HECTD4: variants seen among roughly 807,000 people sequenced by gnomAD.
HECTD4 encodes the protein probable E3 ubiquitin-protein ligase HECTD4.
A neutral mutation model predicts 471.5 loss-of-function variants in HECTD4; 114 were observed. That is an observed-to-expected ratio of 0.24 (90% CI 0.21 to 0.28). The LOEUF (loss-of-function observed/expected upper bound fraction) is 0.28. Ranked by LOEUF, HECTD4 falls within the 10% of genes least tolerant of loss-of-function variation. The probability of loss-of-function intolerance (pLI) is 1.00; values close to 1 mark genes in which losing one functional copy is unlikely to be tolerated. For missense variants in HECTD4, 3,866 were observed against 5,651.5 expected (o/e 0.68, Z 10.13); for synonymous variants, 2,012 against 2,256.0 (o/e 0.89, Z 3.07).
intron 71 of HECTD4, 34 bp from the exon 72 acceptor site, chr12:112,167,572 C>A: frequency 6.7e-7 from 1 of 1,502,732 alleles, no homozygotes; most frequent in East Asian, 2.3e-5. Context: ...GTGACCTGGG[C>A]GTGGGCCTCT....
chr12:112,203,528 G>A, intron 54 of HECTD4, 108 bp downstream of exon 54: 1 of 924,118 alleles, frequency 1.1e-6, no homozygotes, highest in Non-Finnish European at 1.6e-6. Context: ...TCCCTGATTT[G>A]AAGAGAAACT....
intron 35 of HECTD4, 62 bp downstream of exon 35, chr12:112,236,883 A>C (rs2033520310): frequency 1.1e-5 from 16 of 1,417,616 alleles, no homozygotes; most frequent in Non-Finnish European, 1.4e-5. Flanking sequence ...CACCAAAAGA[A>C]ACCCCAATCG....
chr12:112,245,264 A>C (rs533144025), intron 29 of HECTD4, among the ~76,000 whole-genome samples: 1 of 152,330 alleles, frequency 6.6e-6, no homozygotes, highest in South Asian at 2.1e-4. Context: ...TGGCCTCCCA[A>C]AGTTCTGGAA....
At chr12:112,167,587 C>G in intron 71 of HECTD4, 49 bp from the exon 72 acceptor site, 1 of 1,409,618 alleles carries the variant, frequency 7.1e-7, no homozygotes, top group Non-Finnish European at 9.7e-7. Flanking sequence ...GCCTCTGTGC[C>G]CGCCAGGGAA....
intron 67 of HECTD4, among the ~76,000 whole-genome samples, chr12:112,171,868 G>C (rs2031234829): frequency 6.6e-6 from 1 of 152,198 alleles, no homozygotes. Context: ...GTAAACGGGG[G>C]GCGTCTGGGA....
intron 9 of HECTD4, among the ~76,000 whole-genome samples, chr12:112,277,903 T>A (rs931278784): frequency 3.3e-5 from 5 of 152,162 alleles, no homozygotes; most frequent in African/African-American, 1.2e-4. Context: ...ATGATTAATT[T>A]CCCCAAGATA....
Position 112,382,379 on chromosome 12 carries a change from C to A in HECTD4, c.-251G>T. 2 of 354,714 alleles carry A rather than the reference C, an allele frequency of 5.6e-6. No homozygotes were observed. Among genetic ancestry groups the A allele is most frequent in the Non-Finnish European group, 9.9e-6 (2 of 202,268 alleles). The allele number at this position is 354,714 out of a possible 1,614,324, so 22.0% of individuals were successfully genotyped here. On this transcript the variant is annotated 5_prime_UTR_variant, in exon 1 of 76. In the 5' UTR this introduces an upstream ATG that the reference lacks. Transcript: ENST00000682272. ...CGCCGCCCTCAGGAGCAGGATCCGC[C>A]TCTGCCGCTCGGCAACCAACTGTCA...
At chr12:112,349,048 T>C (rs969510010) in intron 1 of HECTD4, among the ~76,000 whole-genome samples, 1 of 152,050 alleles carries the variant, frequency 6.6e-6, no homozygotes. Context: ...ATTAGGTGAA[T>C]AAACAGGCTA....
chr12:112,371,418 A>C (rs372946027), intron 1 of HECTD4, among the ~76,000 whole-genome samples: 2 of 151,410 alleles, frequency 1.3e-5, no homozygotes, highest in African/African-American at 4.8e-5. Context: ...TCTTCTAAAA[A>C]TACAAAGCTA....
chr12:112,370,232 T>C (rs1258430128), intron 1 of HECTD4, among the ~76,000 whole-genome samples: 1 of 152,154 alleles, frequency 6.6e-6, no homozygotes, highest in Non-Finnish European at 1.5e-5. Flanking sequence ...GGAAAAGGCA[T>C]GGGAACAGAT....
intron 39 of HECTD4, 61 bp from the exon 40 acceptor site, chr12:112,230,883 G>T: frequency 2.0e-6 from 3 of 1,508,540 alleles, no homozygotes; most frequent in Non-Finnish European, 2.7e-6. Flanking sequence ...GCAGGGAAGT[G>T]GCTTTCAGGG....
chr12:112,277,082 C>T lies in HECTD4; in HGVS notation c.1688-2122G>A, dbSNP rs115379892. On this transcript the variant is annotated intron_variant, in intron 9 of 75. Coordinates refer to ENST00000682272, the MANE Select transcript of HECTD4 (RefSeq NM_001388303.1). ...ATATGACCCAGCGATTCCACTCCTACGTATGTGCCCAAGAGTATGAAAAAC... is the reference window on the plus strand; with the variant it reads ...ATATGACCCAGCGATTCCACTCCTATGTATGTGCCCAAGAGTATGAAAAAC... Among the ~76,000 whole-genome samples, 204 of 152,274 alleles carry T rather than the reference C, an allele frequency of 1.3e-3. 1 individual carries two copies. The highest frequency in any genetic ancestry group is 4.6e-3 in the African/African-American group (190 of 41,558).
chr12:112,185,079 G>A lies in HECTD4; in HGVS notation c.9887C>T (p.Ser3296Leu). Residue 3296 changes from serine (S) to leucine (L), a missense_variant, in exon 61 of 76, where the codon TCG (serine) becomes TTG (leucine). Coordinates refer to ENST00000682272, the MANE Select transcript of HECTD4 (RefSeq NM_001388303.1). ...CTGTGGGGTCTGTCCTGGGGAGGAC[G>A]AGGAGGAGGAGGACGAGTCACTGAG... The part of the protein sequence containing the change: ...PNLSDSSSSS[S>L]SSPGQTPQSP... 6.4e-7 allele frequency: 1 copy of A among 1,569,312 alleles called. No individual in the cohort carries two copies. The highest frequency in any genetic ancestry group is 8.7e-7 in the Non-Finnish European group (1 of 1,155,752).
At chr12:112,167,960 C>T (rs750862530) in intron 70 of HECTD4, 43 bp from the exon 71 acceptor site, 12 of 1,457,798 alleles carry the variant, frequency 8.2e-6, no homozygotes, top group African/African-American at 2.8e-5. Flanking sequence ...GGTGTCCCGG[C>T]GGGAGGCGAC....
intron 55 of HECTD4, among the ~76,000 whole-genome samples, chr12:112,195,326 T>G (rs1438304215): frequency 6.6e-6 from 1 of 152,256 alleles, no homozygotes; most frequent in Non-Finnish European, 1.5e-5. Context: ...TTTGTACATG[T>G]ATGTTCATAG....
chr12:112,209,072 T>A (rs980297238), intron 50 of HECTD4, among the ~76,000 whole-genome samples: 9 of 151,678 alleles, frequency 5.9e-5, no homozygotes, highest in Non-Finnish European at 1.0e-4. Flanking sequence ...GGCTATTTTT[T>A]AAATTTTTTT....
chr12:112,167,158 A>G lies in HECTD4; in HGVS notation c.12534+159T>C, dbSNP rs546241060. ...AGGGAGGCCAGAGGCCTCTGTCCCCATGAAATAAGCCTTCCTGGCACATGG... is the reference window on the plus strand; with the variant it reads ...AGGGAGGCCAGAGGCCTCTGTCCCCGTGAAATAAGCCTTCCTGGCACATGG... On this transcript the variant is annotated intron_variant, in intron 72 of 75. Coordinates refer to ENST00000682272, the MANE Select transcript of HECTD4 (RefSeq NM_001388303.1). 3 of 593,044 alleles carry G rather than the reference A, an allele frequency of 5.1e-6. No individual in the cohort carries two copies. In the South Asian group the frequency reaches 7.3e-5, roughly 15 times the overall value. The allele number at this position is 593,044 out of a possible 1,614,324, so 36.7% of individuals were successfully genotyped here. A position where few individuals can be genotyped will look rare whatever the true frequency, so the allele number is the denominator to read the frequency against.
chr12:112,222,406 C>A (rs909085061), intron 44 of HECTD4, among the ~76,000 whole-genome samples: 1 of 152,184 alleles, frequency 6.6e-6, no homozygotes, highest in Admixed American at 6.5e-5. Flanking sequence ...GTGGCTCATA[C>A]CTGTAATCCC....
chr12:112,266,029 A>G (rs1355465462), intron 14 of HECTD4, 46 bp from the exon 15 acceptor site: 2 of 1,309,834 alleles, frequency 1.5e-6, no homozygotes, highest in Non-Finnish European at 2.2e-6. Flanking sequence ...AATGACTCCT[A>G]GAATACTGAT....
Sources: allele counts gnomAD v4.1 joint callset (sites outside exome capture counted in the v4.1 genomes callset), GRCh38; gene constraint gnomAD v4.1.1; transcripts MANE v1.5; gene names NCBI Gene and HGNC (gene_info 2026-07-23, HGNC 2026-07-21).